The following SLC6A4 variants were observed in gnomAD, a reference collection of about 807,000 sequenced individuals.
The protein encoded by SLC6A4 is sodium-dependent serotonin transporter.
In SLC6A4, 22 loss-of-function variants were observed where a neutral mutation model predicts 73.4. The ratio of observed to expected loss-of-function variants is 0.30; its 90% CI spans 0.21 to 0.43. The LOEUF (loss-of-function observed/expected upper bound fraction) is 0.43, where lower values mean the gene tolerates loss of function less well. Ranked by LOEUF, SLC6A4 falls within the 20% of genes least tolerant of loss-of-function variation. The pLI, the probability that SLC6A4 is intolerant of heterozygous loss-of-function variation, is 1.00. For synonymous variants in SLC6A4, 270 were observed against 315.5 expected (o/e 0.86, Z 1.53); for missense variants, 593 against 808.5 (o/e 0.73, Z 3.23).
chr17:30,229,056 T>C (rs1029926495), intron 1 of SLC6A4, among the ~76,000 whole-genome samples: 3 of 152,182 alleles, frequency 2.0e-5, no homozygotes, highest in African/African-American at 7.2e-5. Flanking sequence ...AGGGTTCTAT[T>C]CTAAGGGGCC....
At chr17:30,214,628 T>G (rs1906494942) in intron 8 of SLC6A4, among the ~76,000 whole-genome samples, 2 of 149,482 alleles carry the variant, frequency 1.3e-5, no homozygotes, top group South Asian at 2.1e-4. Flanking sequence ...TTCTCTTTCT[T>G]TCTTTCTTTT....
chr17:30,233,446 A>G (rs939939865), intron 1 of SLC6A4, among the ~76,000 whole-genome samples: 13 of 152,212 alleles, frequency 8.5e-5, no homozygotes, highest in Admixed American at 4.6e-4. Flanking sequence ...CCTCTGCCTT[A>G]GAGTGAAACC....
intron 1 of SLC6A4, among the ~76,000 whole-genome samples, chr17:30,230,043 A>AG (rs1907038478): frequency 2.3e-5 from 3 of 127,732 alleles, no homozygotes; most frequent in Non-Finnish European, 4.9e-5. Flanking sequence ...AAGAAAAAGA[A>AG]GAAAGAAGAA....
chr17:30,218,633 A>C (rs1424290669), intron 4 of SLC6A4, among the ~76,000 whole-genome samples, 164 bp downstream of exon 4: 1 of 152,158 alleles, frequency 6.6e-6, no homozygotes, highest in Non-Finnish European at 1.5e-5. Flanking sequence ...TCTCTTTGAC[A>C]ATTTCACACC....
chr17:30,201,651 T>C (rs1906039301), intron 14 of SLC6A4, among the ~76,000 whole-genome samples: 1 of 152,138 alleles, frequency 6.6e-6, no homozygotes, highest in Non-Finnish European at 1.5e-5. Flanking sequence ...TAGGAGAGTG[T>C]GCGGGAAGCA....
At chr17:30,221,458 ACCCCAGG>A (rs1906751723) in intron 3 of SLC6A4, among the ~76,000 whole-genome samples, 151 bp downstream of exon 3, 2 of 115,548 alleles carry the variant, frequency 1.7e-5, no homozygotes, top group South Asian at 2.9e-4. Context: ...GTCACAGCCC[ACCCCAGG>A]TCACAGCCCA....
intron 12 of SLC6A4, among the ~76,000 whole-genome samples, chr17:30,208,853 G>C (rs949689388): frequency 7.4e-6 from 1 of 135,322 alleles, no homozygotes; most frequent in African/African-American, 2.6e-5. Context: ...CATCATGCCC[G>C]GCTAATTTTT....
At chr17:30,205,139 G>T (rs1360961067) in intron 13 of SLC6A4, among the ~76,000 whole-genome samples, 5 of 152,146 alleles carry the variant, frequency 3.3e-5, no homozygotes, top group Non-Finnish European at 7.3e-5. Flanking sequence ...TATTGAAAAT[G>T]TTGATACTTT....
chr17:30,216,463 A>G (rs1317283544), intron 6 of SLC6A4, among the ~76,000 whole-genome samples: 1 of 152,120 alleles, frequency 6.6e-6, no homozygotes, highest in African/African-American at 2.4e-5. Flanking sequence ...CCCACTATGC[A>G]TCTGTAAGGT....
chr17:30,217,511 G>A (rs1424046049), intron 5 of SLC6A4, among the ~76,000 whole-genome samples: 2 of 152,222 alleles, frequency 1.3e-5, no homozygotes, highest in African/African-American at 4.8e-5. Flanking sequence ...TGGGAAGAGT[G>A]TTCAACCTAA....
intron 1 of SLC6A4, among the ~76,000 whole-genome samples, chr17:30,230,176 T>A (rs1192000919): frequency 6.8e-6 from 1 of 146,142 alleles, no homozygotes; most frequent in Non-Finnish European, 1.5e-5. Flanking sequence ...AAGAAGAAGT[T>A]GGTGACATGA....
chr17:30,209,333 C>T, intron 11 of SLC6A4, 91 bp from the exon 12 acceptor site: 1 of 813,048 alleles, frequency 1.2e-6, no homozygotes, highest in East Asian at 2.6e-5. Flanking sequence ...CACTTAGAAT[C>T]ATTCTGGAAA....
chr17:30,214,221 G>T (rs1906477062), intron 8 of SLC6A4, among the ~76,000 whole-genome samples: 1 of 151,878 alleles, frequency 6.6e-6, no homozygotes, highest in South Asian at 2.1e-4. Flanking sequence ...TCGGGAGTTG[G>T]AGACCAGCCT....
intron 1 of SLC6A4, among the ~76,000 whole-genome samples, chr17:30,232,783 C>T (rs1046345340): frequency 1.6e-4 from 25 of 152,210 alleles, no homozygotes; most frequent in African/African-American, 5.3e-4. Flanking sequence ...AATGAGCATT[C>T]GTCTTCCCAG....
chr17:30,198,634 A>G, intron 14 of SLC6A4, 104 bp from the exon 15 acceptor site: 2 of 649,146 alleles, frequency 3.1e-6, no homozygotes, highest in Non-Finnish European at 5.5e-6. Context: ...ACACTTTAAT[A>G]ACATCTAAGA....
At position 30,218,827 on chromosome 17, in the gene SLC6A4, T is replaced by C; in HGVS notation, c.448A>G (p.Ile150Val). 2 of 1,614,112 alleles carry C rather than the reference T, an allele frequency of 1.2e-6. No homozygotes were observed. ...GQYHRNGCIS[I>V]WRKICPIFKG... ...AAAATCGGGCAGATTTTCCTCCATATTGAAATGCATCCATTTCGGTGGTAC... is the reference window on the plus strand; with the variant it reads ...AAAATCGGGCAGATTTTCCTCCATACTGAAATGCATCCATTTCGGTGGTAC... The change falls in exon 4 of 15, where the codon ATA becomes GTA. Residue 150 changes from isoleucine to valine, a missense_variant. Transcript: ENST00000650711.
Position 30,218,324 on chromosome 17 carries a change from G to A in SLC6A4, c.492C>T (p.Ala164=), listed in dbSNP as rs1236181528. Residue 164 remains alanine (A), a synonymous_variant, in exon 5 of 15, where the codon GCC becomes GCT. Coordinates refer to ENST00000650711, the MANE Select transcript of SLC6A4 (RefSeq NM_001045.6). The stretch of plus-strand genomic sequence containing the variant: ...CAATGTAAAAGGCAATGATGCAGAT[G>A]GCATAACCAATCCCTGGGCAGTGGG... The part of the protein sequence containing the change: ...ICPIFKGIGY[A]ICIIAFYIAS... 1 of 1,613,598 alleles carries A rather than the reference G, an allele frequency of 6.2e-7. No homozygotes were observed. Among genetic ancestry groups the A allele is most frequent in the Non-Finnish European group, 8.5e-7 (1 of 1,179,648 alleles).
chr17:30,196,504 T>C lies in SLC6A4; in HGVS notation c.*1952A>G, dbSNP rs1433511311. On this transcript the variant is annotated 3_prime_UTR_variant, in exon 15 of 15. Coordinates refer to ENST00000650711, the MANE Select transcript of SLC6A4 (RefSeq NM_001045.6). The stretch of plus-strand genomic sequence containing the variant: ...AGTATATTTGAACAATGTCTAAGTA[T>C]GTGGGGTGGGGAGAATCCATATCCG... 1 of 152,330 alleles carries C rather than the reference T, an allele frequency of 6.6e-6. No individual in the cohort carries two copies. The highest frequency in any genetic ancestry group is 6.5e-5 in the Admixed American group (1 of 15,276). The allele number at this position is 152,330 out of a possible 1,614,324, so 9.4% of individuals were successfully genotyped here. A position where few individuals can be genotyped will look rare whatever the true frequency, so the allele number is the denominator to read the frequency against.
At position 30,217,175 on chromosome 17, in the gene SLC6A4, G is replaced by C; in HGVS notation, c.828C>G (p.Thr276=). Residue 276 remains threonine (T), a synonymous_variant, in exon 6 of 15, where the codon ACC becomes ACG. Coordinates refer to ENST00000650711, the MANE Select transcript of SLC6A4 (RefSeq NM_001045.6). ...IYFSIWKGVK[T]SGKVVWVTAT... The stretch of plus-strand genomic sequence containing the variant: ...CCAGAGCCTTCCTCACCTTGCCAGA[G>C]GTCTTGACGCCTTTCCAGATGCTGA... 2 of 1,613,840 alleles carry C rather than the reference G, an allele frequency of 1.2e-6. No individual in the cohort carries two copies. The highest frequency in any genetic ancestry group is 1.7e-6 in the Non-Finnish European group (2 of 1,179,830).
Sources: allele counts gnomAD v4.1 joint callset (sites outside exome capture counted in the v4.1 genomes callset), GRCh38; gene constraint gnomAD v4.1.1; transcripts MANE v1.5; gene names NCBI Gene and HGNC (gene_info 2026-07-23, HGNC 2026-07-21).